Variants in NOSTRIN observed in about 807,000 individuals in gnomAD.
NOSTRIN encodes the protein nitric oxide synthase trafficking.
NOSTRIN carries 63 observed loss-of-function variants against 59.0 expected under a neutral mutation model. The ratio of observed to expected loss-of-function variants is 1.07; its 90% CI spans 0.87 to 1.32. NOSTRIN has a LOEUF of 1.32. Ranked by LOEUF, NOSTRIN falls within the 40% of genes most tolerant of loss-of-function variation. The pLI, the probability that NOSTRIN is intolerant of heterozygous loss-of-function variation, is 0.00. For missense variants in NOSTRIN, 512 were observed against 473.1 expected (o/e 1.08, Z -0.76); for synonymous variants, 200 against 165.4 (o/e 1.21, Z -1.61).
chr2:168,831,394 G>A (rs1372249331), intron 5 of NOSTRIN, 78 bp from the exon 6 acceptor site: 8 of 771,748 alleles, frequency 1.0e-5, no homozygotes, highest in Non-Finnish European at 1.7e-5. Context: ...TACATTTTAG[G>A]GGCACGAACA....
intron 11 of NOSTRIN, chr2:168,856,063 C>A: frequency 4.4e-6 from 1 of 229,452 alleles, no homozygotes; most frequent in Admixed American, 5.5e-5. Flanking sequence ...ATGTGAATAC[C>A]ATAACGAGGA....
intron 8 of NOSTRIN, among the ~76,000 whole-genome samples, chr2:168,847,213 C>T (rs984073265): frequency 6.6e-6 from 1 of 152,092 alleles, no homozygotes; most frequent in African/African-American, 2.4e-5. Context: ...TGATAGATAA[C>T]TAGAAGATAA....
At chr2:168,859,205 CT>C (rs1286931254) in intron 12 of NOSTRIN, 1 of 234,212 alleles carries the variant, frequency 4.3e-6, no homozygotes, top group Non-Finnish European at 8.2e-6. Flanking sequence ...TATCCCCTTT[CT>C]TGTCCCTCAG....
upstream of NOSTRIN, among the ~76,000 whole-genome samples, chr2:168,797,460 G>A (rs553963351): frequency 2.6e-5 from 4 of 152,222 alleles, no homozygotes; most frequent in Admixed American, 6.5e-5. Flanking sequence ...ATGGATAGCA[G>A]TAGTACAAAG....
chr2:168,825,906 C>T (rs1338362508), intron 3 of NOSTRIN, among the ~76,000 whole-genome samples: 1 of 152,166 alleles, frequency 6.6e-6, no homozygotes, highest in African/African-American at 2.4e-5. Flanking sequence ...TTTGAAAGTG[C>T]TCTTTTAGCT....
At chr2:168,831,062 C>G (rs1321475022) in intron 5 of NOSTRIN, among the ~76,000 whole-genome samples, 2 of 152,180 alleles carry the variant, frequency 1.3e-5, no homozygotes, top group Non-Finnish European at 2.9e-5. Flanking sequence ...CTGTGACTGT[C>G]TTAGTTCAGG....
intron 2 of NOSTRIN, among the ~76,000 whole-genome samples, chr2:168,792,290 C>G (rs1685377885): frequency 6.6e-6 from 1 of 151,888 alleles, no homozygotes; most frequent in Non-Finnish European, 1.5e-5. Context: ...ACAAGTGACT[C>G]AAATTATCAA....
At chr2:168,828,523 C>T (rs1269250287) in intron 5 of NOSTRIN, 22 bp downstream of exon 5, 1 of 834,020 alleles carries the variant, frequency 1.2e-6, no homozygotes, top group Non-Finnish European at 2.1e-6. Context: ...CCTTTCTTTA[C>T]TCTTCCTGTT....
At chr2:168,843,988 G>T (rs942984167) in intron 8 of NOSTRIN, among the ~76,000 whole-genome samples, 1 of 152,162 alleles carries the variant, frequency 6.6e-6, no homozygotes, top group East Asian at 1.9e-4. Context: ...AAATATGCTC[G>T]CATTTGGAAA....
intron 12 of NOSTRIN, among the ~76,000 whole-genome samples, chr2:168,858,809 G>T (rs1178214422): frequency 6.6e-6 from 1 of 152,158 alleles, no homozygotes; most frequent in Non-Finnish European, 1.5e-5. Context: ...GAGGGATAAT[G>T]GTGAGGAGGG....
chr2:168,829,317 T>C (rs909845108), intron 5 of NOSTRIN, among the ~76,000 whole-genome samples: 17 of 147,376 alleles, frequency 1.2e-4, no homozygotes, highest in African/African-American at 4.0e-4. Flanking sequence ...TTTTTTTCTC[T>C]CTCTCCCTTT....
intron 3 of NOSTRIN, among the ~76,000 whole-genome samples, chr2:168,826,190 G>A (rs542227592): frequency 4.7e-5 from 7 of 149,668 alleles, no homozygotes; most frequent in South Asian, 2.2e-4. Context: ...TGTCCATTAC[G>A]TTTTTGATTC....
chr2:168,823,734 G>A (rs1320106470), intron 2 of NOSTRIN, among the ~76,000 whole-genome samples: 2 of 152,140 alleles, frequency 1.3e-5, no homozygotes, highest in Non-Finnish European at 1.5e-5. Flanking sequence ...TTCTTCTTGG[G>A]AGACACAATT....
chr2:168,837,511 G>T (rs1030089843), intron 7 of NOSTRIN, among the ~76,000 whole-genome samples: 3 of 151,856 alleles, frequency 2.0e-5, no homozygotes, highest in East Asian at 1.9e-4. Context: ...GGATTTCACC[G>T]AGTTAGCTAG....
At chr2:168,845,405 C>T (rs1688353189) in intron 8 of NOSTRIN, among the ~76,000 whole-genome samples, 1 of 152,230 alleles carries the variant, frequency 6.6e-6, no homozygotes, top group African/African-American at 2.4e-5. Flanking sequence ...TATTTCACCT[C>T]AGTGTCTCTA....
upstream of NOSTRIN, among the ~76,000 whole-genome samples, chr2:168,796,937 A>G (rs370572321): frequency 3.3e-5 from 5 of 152,202 alleles, no homozygotes; most frequent in African/African-American, 9.6e-5. Context: ...CTCTCTCAGT[A>G]TTTAATTCAA....
chr2:168,806,028 C>T (rs1167074255), intron 1 of NOSTRIN, among the ~76,000 whole-genome samples: 1 of 152,072 alleles, frequency 6.6e-6, no homozygotes, highest in East Asian at 1.9e-4. Flanking sequence ...TTTAATGTTC[C>T]ATATCCCGTA....
Position 168,844,739 on chromosome 2 carries a change from G to A in NOSTRIN, c.630+1622G>A, listed in dbSNP as rs572699701. 2.7e-4 allele frequency among the ~76,000 whole-genome samples: 41 copies of A among 152,200 alleles called. 1 individual carries two copies. The highest frequency in any genetic ancestry group is 2.1e-3 in the South Asian group (10 of 4,816). ...GAAAAAATTAGCCGCGCGTGGTGGCGGGCGCCTGTTGTCCCAGCTACTCGG... is the reference window on the plus strand; with the variant it reads ...GAAAAAATTAGCCGCGCGTGGTGGCAGGCGCCTGTTGTCCCAGCTACTCGG... On this transcript the variant is annotated intron_variant, in intron 8 of 15. Coordinates refer to ENST00000317647, the MANE Select transcript of NOSTRIN (RefSeq NM_001039724.4).
At chr2:168,812,713 A>G (rs1686207692) in intron 2 of NOSTRIN, among the ~76,000 whole-genome samples, 1 of 152,182 alleles carries the variant, frequency 6.6e-6, no homozygotes, top group African/African-American at 2.4e-5. Flanking sequence ...GGAAGAGTAA[A>G]GTCTGCTCCT....
Sources: gnomAD v4.1 joint callset for allele counts (sites outside exome capture counted in the v4.1 genomes callset) on GRCh38, gnomAD v4.1.1 for gene constraint, MANE v1.5 for transcripts, NCBI Gene and HGNC (gene_info 2026-07-23, HGNC 2026-07-21) for gene names.